Variants in SIPA1L2 observed in about 807,000 individuals in gnomAD.
SIPA1L2 encodes the protein signal induced proliferation associated 1 like 2, also known as signal-induced proliferation-associated 1-like protein 2.
Under a neutral mutation model 163.9 loss-of-function variants are expected in SIPA1L2, and 56 were observed. That is an observed-to-expected ratio of 0.34 (90% CI 0.28 to 0.43). The LOEUF (loss-of-function observed/expected upper bound fraction) is 0.43. SIPA1L2 is among the 20% of genes least tolerant of loss of function. The probability of loss-of-function intolerance (pLI) is 1.00; values close to 1 mark genes in which losing one functional copy is unlikely to be tolerated. For synonymous variants in SIPA1L2, 877 were observed against 865.7 expected (o/e 1.01, Z -0.23); for missense variants, 1,974 against 2,193.5 (o/e 0.90, Z 2.00).
At chr1:232,567,100 G>T (rs923812058) in intron 2 of SIPA1L2, among the ~76,000 whole-genome samples, 1 of 152,170 alleles carries the variant, frequency 6.6e-6, no homozygotes, top group Non-Finnish European at 1.5e-5. Context: ...CTGCCACAGA[G>T]ATCTGGTAGT....
chr1:232,415,443 G>A (rs750678277), intron 19 of SIPA1L2, 51 bp downstream of exon 19: 3 of 1,548,874 alleles, frequency 1.9e-6, no homozygotes, highest in Non-Finnish European at 1.7e-6. Context: ...AGGCCCTGCA[G>A]GAAAGCACTC....
intron 1 of SIPA1L2, among the ~76,000 whole-genome samples, chr1:232,575,345 C>T (rs1006949307): frequency 1.3e-5 from 2 of 152,150 alleles, no homozygotes; most frequent in Non-Finnish European, 2.9e-5. Flanking sequence ...GTTCCTTTCA[C>T]TTTGAGAGGC....
chr1:232,617,398 A>G (rs1662557364), intron 1 of SIPA1L2, among the ~76,000 whole-genome samples: 1 of 152,268 alleles, frequency 6.6e-6, no homozygotes, highest in Non-Finnish European at 1.5e-5. Flanking sequence ...GACTGAAGAT[A>G]AATACATAAA....
At chr1:232,542,546 T>C (rs1376928849) in intron 2 of SIPA1L2, among the ~76,000 whole-genome samples, 1 of 152,136 alleles carries the variant, frequency 6.6e-6, no homozygotes, top group Non-Finnish European at 1.5e-5. Context: ...AAATCTTCAC[T>C]TTCCCTCTGC....
At chr1:232,621,651 C>T (rs1022848400) in intron 1 of SIPA1L2, among the ~76,000 whole-genome samples, 1 of 152,168 alleles carries the variant, frequency 6.6e-6, no homozygotes, top group African/African-American at 2.4e-5. Flanking sequence ...ATTTTACACT[C>T]GCCTTTAAGA....
chr1:232,626,831 A>T (rs1430352612), intron 1 of SIPA1L2, among the ~76,000 whole-genome samples: 1 of 152,168 alleles, frequency 6.6e-6, no homozygotes, highest in Non-Finnish European at 1.5e-5. Flanking sequence ...AAGAAACCCC[A>T]AATTTTGGTG....
chr1:232,518,908 A>G (rs1267643544), intron 2 of SIPA1L2, among the ~76,000 whole-genome samples: 2 of 152,332 alleles, frequency 1.3e-5, no homozygotes, highest in East Asian at 3.9e-4. Context: ...GTAAGTCCTT[A>G]TATTAGAAAA....
At chr1:232,542,024 G>A (rs891211198) in intron 2 of SIPA1L2, among the ~76,000 whole-genome samples, 11 of 151,368 alleles carry the variant, frequency 7.3e-5, no homozygotes, top group Non-Finnish European at 1.2e-4. Context: ...TCCTGTTTTT[G>A]TACAAGATTA....
At chr1:232,493,061 G>A (rs1363178105) in intron 4 of SIPA1L2, among the ~76,000 whole-genome samples, 1 of 152,110 alleles carries the variant, frequency 6.6e-6, no homozygotes, top group African/African-American at 2.4e-5. Flanking sequence ...TCCCCTTGCT[G>A]TTCTCATGAC....
chr1:232,572,062 G>A (rs1659761311), intron 2 of SIPA1L2, among the ~76,000 whole-genome samples: 1 of 152,170 alleles, frequency 6.6e-6, no homozygotes, highest in Non-Finnish European at 1.5e-5. Context: ...AAATTAATCT[G>A]GAGACCATGT....
At chr1:232,412,849 C>A (rs1459403042) in intron 19 of SIPA1L2, among the ~76,000 whole-genome samples, 1 of 152,174 alleles carries the variant, frequency 6.6e-6, no homozygotes, top group East Asian at 1.9e-4. Context: ...CTAACTCCTC[C>A]CACATTATTT....
At chr1:232,595,214 C>T (rs557787240) in intron 1 of SIPA1L2, among the ~76,000 whole-genome samples, 67 of 152,244 alleles carry the variant, frequency 4.4e-4, no homozygotes, top group African/African-American at 1.5e-3. Context: ...CAGTGTCTTC[C>T]CAGTCACCAA....
At chr1:232,434,400 A>G (rs887365070) in intron 15 of SIPA1L2, among the ~76,000 whole-genome samples, 2 of 152,160 alleles carry the variant, frequency 1.3e-5, no homozygotes, top group Non-Finnish European at 2.9e-5. Context: ...TCCTATGAAG[A>G]AACTTAGTTG....
At chr1:232,506,027 G>C (rs1015692379) in intron 3 of SIPA1L2, among the ~76,000 whole-genome samples, 1 of 152,094 alleles carries the variant, frequency 6.6e-6, no homozygotes, top group African/African-American at 2.4e-5. Context: ...ATATGTAAAG[G>C]TGTAGGCCCG....
At chr1:232,495,137 C>T (rs1349060943) in intron 3 of SIPA1L2, among the ~76,000 whole-genome samples, 6 of 152,224 alleles carry the variant, frequency 3.9e-5, no homozygotes, top group African/African-American at 1.4e-4. Flanking sequence ...TCCAAAGCCA[C>T]TAATGAATAC....
chr1:232,445,764 T>C lies in SIPA1L2; in HGVS notation c.3118A>G (p.Ile1040Val). 6.2e-7 allele frequency: 1 copy of C among 1,613,388 alleles called. No homozygotes were observed. Among genetic ancestry groups the C allele is most frequent in the Non-Finnish European group, 8.5e-7 (1 of 1,179,822 alleles). ...PRRGCSELCR[I>V]PMVEYKLDSE... ...TCGAGTTTATATTCCACCATAGGGA[T>C]CCGGCAGAGCTCTGAACACCCTCTG... Residue 1040 changes from isoleucine (I) to valine (V), a missense_variant, in exon 11 of 23, where the codon ATC becomes GTC. Coordinates refer to ENST00000674635, the MANE Select transcript of SIPA1L2 (RefSeq NM_020808.5).
At chr1:232,440,097 G>A (rs1277741139) in intron 14 of SIPA1L2, among the ~76,000 whole-genome samples, 1 of 152,208 alleles carries the variant, frequency 6.6e-6, no homozygotes, top group East Asian at 1.9e-4. Context: ...GTCAAAGTGC[G>A]TCCCAAGCCT....
chr1:232,511,040 ACCTTAATTAGGAAG>A (rs1666956828), intron 3 of SIPA1L2, among the ~76,000 whole-genome samples: 1 of 152,220 alleles, frequency 6.6e-6, no homozygotes, highest in Non-Finnish European at 1.5e-5. Flanking sequence ...AATAAAAATA[ACCTTAATTAGGAAG>A]CCTATCTCTC....
At chr1:232,587,825 T>C (rs1489519373) in intron 1 of SIPA1L2, among the ~76,000 whole-genome samples, 1 of 152,130 alleles carries the variant, frequency 6.6e-6, no homozygotes, top group Non-Finnish European at 1.5e-5. Context: ...CATACTGTTC[T>C]TGTGGCAGTG....
Sources: gnomAD v4.1 joint callset for allele counts (sites outside exome capture counted in the v4.1 genomes callset) on GRCh38, gnomAD v4.1.1 for gene constraint, MANE v1.5 for transcripts, NCBI Gene and HGNC (gene_info 2026-07-23, HGNC 2026-07-21) for gene names.